The following CAST variants were observed in gnomAD, a reference collection of about 807,000 sequenced individuals.
CAST encodes the protein MIR583 host.
Under a neutral mutation model 119.6 loss-of-function variants are expected in CAST, and 76 were observed. The observed-to-expected ratio is 0.64, with a 90% confidence interval of 0.53 to 0.77. CAST has a LOEUF of 0.77. Among genes scored for constraint, CAST ranks in the 30% least tolerant of loss-of-function variants. CAST has a pLI of 0.00. For missense variants in CAST, 953 were observed against 946.5 expected, an observed-to-expected ratio of 1.01 and a Z score of -0.09; for synonymous variants, 319 against 331.6, an observed-to-expected ratio of 0.96 and a Z score of 0.41.
the CAST span, among the ~76,000 whole-genome samples, chr5:96,149,958 T>C: frequency 3.9e-5 from 6 of 152,258 alleles, no homozygotes; most frequent in African/African-American, 1.4e-4. Context: ...CATCTTTTTT[T>C]TTCCTTCTTT....
chr5:96,367,128 G>C, the CAST span, among the ~76,000 whole-genome samples: 15 of 152,310 alleles, frequency 9.8e-5, no homozygotes, highest in African/African-American at 3.4e-4. Flanking sequence ...AGCAGTGGAG[G>C]CTGCAGAACA....
At chr5:96,563,665 T>C (rs1746422344) in intron 1 of CAST, among the ~76,000 whole-genome samples, 1 of 152,158 alleles carries the variant, frequency 6.6e-6, no homozygotes, top group South Asian at 2.1e-4. Flanking sequence ...AAAAAAGCAT[T>C]CTTTATTTTT....
chr5:96,241,063 A>T, the CAST span, among the ~76,000 whole-genome samples: 36 of 151,980 alleles, frequency 2.4e-4, no homozygotes, highest in South Asian at 1.0e-3. Flanking sequence ...AATTTTTTTT[A>T]AATTTATTAT....
chr5:96,620,106 A>G (rs1319234587), intron 1 of CAST, among the ~76,000 whole-genome samples: 1 of 152,196 alleles, frequency 6.6e-6, no homozygotes. Context: ...TGCTGCTGTT[A>G]TGACCGGAAG....
the CAST span, among the ~76,000 whole-genome samples, chr5:96,159,267 A>G: frequency 6.4e-4 from 97 of 152,130 alleles, 1 homozygote; most frequent in East Asian, 0.015. Context: ...GTGAGTCAAC[A>G]CCCTCTCCTG....
At chr5:96,153,139 G>A in the CAST span, among the ~76,000 whole-genome samples, 4 of 152,066 alleles carry the variant, frequency 2.6e-5, no homozygotes, top group African/African-American at 7.2e-5. Context: ...GTGGTCCTTG[G>A]GTGTATTTTT....
chr5:95,966,181 C>T, the CAST span, among the ~76,000 whole-genome samples: 1 of 152,030 alleles, frequency 6.6e-6, no homozygotes, highest in East Asian at 1.9e-4. Context: ...GTAGAGCAAA[C>T]ATACTGTGTT....
chr5:96,592,067 C>T (rs964934369), intron 1 of CAST, among the ~76,000 whole-genome samples: 9 of 152,130 alleles, frequency 5.9e-5, no homozygotes, highest in African/African-American at 1.7e-4. Context: ...AGTGTTTGAC[C>T]AGTGCTTTGA....
At chr5:96,394,337 T>C in the CAST span, among the ~76,000 whole-genome samples, 1 of 152,230 alleles carries the variant, frequency 6.6e-6, no homozygotes, top group African/African-American at 2.4e-5. Context: ...TCCTCTGAAA[T>C]TTTTTGAGAA....
At chr5:96,616,806 A>T (rs1434287323) in intron 1 of CAST, among the ~76,000 whole-genome samples, 1 of 151,854 alleles carries the variant, frequency 6.6e-6, no homozygotes, top group Non-Finnish European at 1.5e-5. Flanking sequence ...ATATACATAT[A>T]CATATACACC....
chr5:96,258,790 G>A, the CAST span, among the ~76,000 whole-genome samples: 2 of 138,952 alleles, frequency 1.4e-5, no homozygotes, highest in Non-Finnish European at 3.1e-5. Flanking sequence ...CTAACATTTA[G>A]TGAATGCTAT....
intron 1 of CAST, among the ~76,000 whole-genome samples, chr5:96,615,641 T>G (rs942994399): frequency 6.6e-6 from 1 of 151,514 alleles, no homozygotes; most frequent in Admixed American, 6.6e-5. Context: ...CAGGTGGAGG[T>G]GTATGGTAGT....
the CAST span, among the ~76,000 whole-genome samples, chr5:96,421,082 T>G: frequency 6.6e-6 from 1 of 152,232 alleles, no homozygotes; most frequent in Non-Finnish European, 1.5e-5. Flanking sequence ...GTCTCTCCCA[T>G]GGGCATGGAC....
the CAST span, among the ~76,000 whole-genome samples, chr5:96,366,317 C>T: frequency 6.6e-6 from 1 of 152,108 alleles, no homozygotes; most frequent in Non-Finnish European, 1.5e-5. Context: ...TGGGGTTGCT[C>T]TTCTTGAGGA....
Position 96,712,320 on chromosome 5 carries a change from TTTTTC to T in CAST, c.211-10304_211-10300del, listed in dbSNP as rs138286904. 6.6e-3 allele frequency among the ~76,000 whole-genome samples: 1,001 copies of T among 152,248 alleles called. 34 individuals carry two copies. In the East Asian group the frequency reaches 0.098, roughly 15 times the overall value. On this transcript the variant is annotated intron_variant, in intron 3 of 31. Transcript: ENST00000675179. ...CATTCTTCTAACCATGACACAACTTTTTTTCTTTTCTTTTCTTTTTTGAAACAGGC... is the reference window on the plus strand; with the variant it reads ...CATTCTTCTAACCATGACACAACTTTTTTTCTTTTCTTTTTTGAAACAGGC...
the CAST span, among the ~76,000 whole-genome samples, chr5:96,425,021 AAAGAAAGAAAGAAAG>A: frequency 1.6e-5 from 1 of 63,484 alleles, no homozygotes; most frequent in African/African-American, 6.3e-5. Context: ...AGAAAGAAAG[AAAGAAAGAAAGAAAG>A]AAAGAAAGAA....
At chr5:96,536,236 G>A (rs917126093) in intron 1 of CAST, among the ~76,000 whole-genome samples, 1 of 151,938 alleles carries the variant, frequency 6.6e-6, no homozygotes, top group African/African-American at 2.4e-5. Context: ...AGAGACGCCT[G>A]TAATCCCAGT....
chr5:96,452,956 C>CAAAAAAA, the CAST span, among the ~76,000 whole-genome samples: 129 of 62,672 alleles, frequency 2.1e-3, 6 homozygotes, highest in South Asian at 0.019. Context: ...GACTCCGTCT[C>CAAAAAAA]AAAAAAAAAA....
chr5:96,451,499 G>A, the CAST span, among the ~76,000 whole-genome samples: 2 of 152,014 alleles, frequency 1.3e-5, no homozygotes, highest in African/African-American at 4.8e-5. Flanking sequence ...AACTCAAGAT[G>A]GATTAAAGAC....
Sources: gnomAD v4.1 joint callset for allele counts (sites outside exome capture counted in the v4.1 genomes callset) on GRCh38, gnomAD v4.1.1 for gene constraint, MANE v1.5 for transcripts, NCBI Gene and HGNC (gene_info 2026-07-23, HGNC 2026-07-21) for gene names.